PALM2AKAP2: variants seen among roughly 807,000 people sequenced by gnomAD.
The protein encoded by PALM2AKAP2 is PALM2-AKAP2 fusion protein.
Under a neutral mutation model 71.5 loss-of-function variants are expected in PALM2AKAP2, and 37 were observed. The observed-to-expected ratio is 0.52, with a 90% CI of 0.40 to 0.68. The LOEUF (loss-of-function observed/expected upper bound fraction) is 0.68. Among genes scored for constraint, PALM2AKAP2 ranks in the 30% least tolerant of loss-of-function variants. The probability of loss-of-function intolerance (pLI) is 0.00; values close to 1 mark genes in which losing one functional copy is unlikely to be tolerated. For missense variants in PALM2AKAP2, 1,224 were observed against 1,191.8 expected, an observed-to-expected ratio of 1.03 and a Z score of -0.40; for synonymous variants, 468 against 478.8, an observed-to-expected ratio of 0.98 and a Z score of 0.29.
Position 109,923,846 on chromosome 9 carries a change from G to C in PALM2AKAP2, c.369G>C (p.Gln123His), listed in dbSNP as rs141885294. 11 of 1,578,862 alleles carry C rather than the reference G, an allele frequency of 7.0e-6. No individual in the cohort carries two copies. In the African/African-American group the frequency reaches 1.4e-4, roughly 20 times the overall value. ...CAGAAAAATCCTTCAAGGACTTTCA[G>C]AAGGTGAAGAAAACCAAAACGATTT... Residue 123 changes from glutamine to histidine, a missense_variant, in exon 4 of 10, where the codon CAG becomes CAC. Gln to His is a conservative substitution (Grantham distance 24). Transcript: ENST00000302798.
intron 1 of PALM2AKAP2, among the ~76,000 whole-genome samples, chr9:110,068,616 A>C (rs535817939): frequency 7.1e-6 from 1 of 141,486 alleles, no homozygotes; most frequent in African/African-American, 3.1e-5. Flanking sequence ...TGCAGCCTCC[A>C]TCTCCCCCAG....
At chr9:109,880,364 A>G (rs2131756937) in intron 2 of PALM2AKAP2, among the ~76,000 whole-genome samples, 187 bp from the exon 3 acceptor site, 1 of 152,344 alleles carries the variant, frequency 6.6e-6, no homozygotes, top group African/African-American at 2.4e-5. Flanking sequence ...ATAGAAAATG[A>G]TATAGAGATA....
At chr9:110,162,199 G>T (rs374502440) in intron 3 of PALM2AKAP2, 67 bp downstream of exon 10, 3 of 1,593,698 alleles carry the variant, frequency 1.9e-6, no homozygotes, top group African/African-American at 2.7e-5. Flanking sequence ...GTTGTGGTTT[G>T]CCATTTCCTG....
At chr9:109,673,166 TCTTA>T (rs1827600977) in intron 1 of PALM2AKAP2, among the ~76,000 whole-genome samples, 1 of 152,122 alleles carries the variant, frequency 6.6e-6, no homozygotes, top group African/African-American at 2.4e-5. Context: ...ATTCGTTTGC[TCTTA>T]CTTCTCTAGT....
In PALM2AKAP2 at chr9:109,720,704, C is replaced by T. The variant is rs554058625; in HGVS notation, c.6-59784C>T. 1.1e-3 allele frequency among the ~76,000 whole-genome samples: 166 copies of T among 152,262 alleles called. 1 individual carries two copies. The highest frequency in any genetic ancestry group is 3.7e-3 in the African/African-American group (155 of 41,542). On this transcript the variant is annotated intron_variant, in intron 1 of 6. Coordinates refer to the PALM2AKAP2 transcript ENST00000374531. ...ATTTCATATGTGAAAAACATAAGAC[C>T]AATGGATATCCACATATAGATTTGA...
chr9:109,810,291 G>A (rs549373275), intron 1 of PALM2AKAP2, among the ~76,000 whole-genome samples: 1 of 152,134 alleles, frequency 6.6e-6, no homozygotes, highest in South Asian at 2.1e-4. Context: ...GTAGAGAAGA[G>A]GTCTGAGAAT....
At chr9:109,651,281 C>T (rs1587854238) in intron 1 of PALM2AKAP2, among the ~76,000 whole-genome samples, 1 of 152,196 alleles carries the variant, frequency 6.6e-6, no homozygotes, top group African/African-American at 2.4e-5. Context: ...GGCATCTTTC[C>T]TCTTCTGAAG....
At chr9:109,776,325 T>C (rs1343782021), upstream of PALM2AKAP2, among the ~76,000 whole-genome samples, 1 of 152,240 alleles carries the variant, frequency 6.6e-6, no homozygotes, top group African/African-American at 2.4e-5. Flanking sequence ...CAGGCAGTCA[T>C]TTCATGTGCC....
At chr9:109,875,405 G>A (rs143375419) in intron 2 of PALM2AKAP2, among the ~76,000 whole-genome samples, 64 of 152,326 alleles carry the variant, frequency 4.2e-4, no homozygotes, top group Non-Finnish European at 4.0e-4. Flanking sequence ...TTGAGTGAGA[G>A]TAGGGACTTG....
chr9:109,641,610 T>A (rs1827070657), intron 1 of PALM2AKAP2, among the ~76,000 whole-genome samples: 1 of 152,098 alleles, frequency 6.6e-6, no homozygotes. Context: ...TTTTGGACAC[T>A]CTCTCGAGCT....
intron 6 of PALM2AKAP2, among the ~76,000 whole-genome samples, chr9:109,980,630 C>A (rs1832253096): frequency 6.6e-6 from 1 of 152,190 alleles, no homozygotes; most frequent in African/African-American, 2.4e-5. Flanking sequence ...AGGTCTCACT[C>A]CAGAATACTG....
chr9:110,153,012 A>T (rs987612733), intron 2 of PALM2AKAP2, among the ~76,000 whole-genome samples: 3 of 152,112 alleles, frequency 2.0e-5, no homozygotes, highest in African/African-American at 7.2e-5. Context: ...GGGCTCAGTT[A>T]TCCAAAGCGA....
intron 6 of PALM2AKAP2, among the ~76,000 whole-genome samples, chr9:109,994,302 G>A (rs1832534541): frequency 6.6e-6 from 1 of 152,202 alleles, no homozygotes; most frequent in Non-Finnish European, 1.5e-5. Flanking sequence ...TTGATGCTAA[G>A]TTATGGATAC....
chr9:109,772,673 A>T (rs1233472613), intron 1 of PALM2AKAP2, among the ~76,000 whole-genome samples: 1 of 152,256 alleles, frequency 6.6e-6, no homozygotes, highest in African/African-American at 2.4e-5. Context: ...AGAAACATCA[A>T]GGAGTGAATG....
chr9:109,779,813 C>G (rs1324647255), upstream of PALM2AKAP2, among the ~76,000 whole-genome samples: 1 of 152,188 alleles, frequency 6.6e-6, no homozygotes, highest in East Asian at 1.9e-4. Flanking sequence ...CTGGCTTGAG[C>G]CAGAAGGTGC....
intron 1 of PALM2AKAP2, among the ~76,000 whole-genome samples, chr9:110,133,815 T>C (rs1179763744): frequency 6.6e-6 from 1 of 152,186 alleles, no homozygotes; most frequent in East Asian, 1.9e-4. Context: ...AATCTCTCTT[T>C]GTTTGTCTTC....
At chr9:110,043,029 C>T (rs1418338274) in intron 7 of PALM2AKAP2, among the ~76,000 whole-genome samples, 1 of 152,126 alleles carries the variant, frequency 6.6e-6, no homozygotes, top group Admixed American at 6.5e-5. Context: ...ATCCATTAAT[C>T]ATCCCTACTC....
chr9:109,698,310 TTTTGTCA>T (rs1828004330), intron 1 of PALM2AKAP2, among the ~76,000 whole-genome samples: 1 of 143,364 alleles, frequency 7.0e-6, no homozygotes, highest in African/African-American at 2.7e-5. Flanking sequence ...GGAGTTTCGC[TTTTGTCA>T]CCCAGCCTGG....
chr9:110,039,209 A>G (rs1327757470), intron 7 of PALM2AKAP2, among the ~76,000 whole-genome samples: 1 of 152,158 alleles, frequency 6.6e-6, no homozygotes, highest in East Asian at 1.9e-4. Flanking sequence ...TGATCATGCT[A>G]CTGCACTCCA....
Sources: allele counts gnomAD v4.1 joint callset (sites outside exome capture counted in the v4.1 genomes callset), GRCh38; gene constraint gnomAD v4.1.1; transcripts MANE v1.5; gene names NCBI Gene and HGNC (gene_info 2026-07-23, HGNC 2026-07-21).